RELL1: variants seen among roughly 807,000 people sequenced by gnomAD.
RELL1 encodes RELT like 1.
A neutral mutation model predicts 23.0 loss-of-function variants in RELL1; 10 were observed. The ratio of observed to expected loss-of-function variants is 0.43; its 90% confidence interval spans 0.27 to 0.74. The LOEUF (loss-of-function observed/expected upper bound fraction) is 0.74. Ranked by LOEUF, RELL1 falls within the 30% of genes least tolerant of loss-of-function variation. The pLI is 0.19. For synonymous variants in RELL1, 146 were observed against 146.8 expected, an observed-to-expected ratio of 0.99 and a Z score of 0.04; for missense variants, 315 against 364.4, an observed-to-expected ratio of 0.86 and a Z score of 1.10.
At chr4:37,607,933 G>A (rs1719273296), downstream of RELL1, among the ~76,000 whole-genome samples, 1 of 151,954 alleles carries the variant, frequency 6.6e-6, no homozygotes, top group African/African-American at 2.4e-5. Context: ...ATGTCCCTGT[G>A]TCACATATGG....
chr4:37,660,564 AG>A (rs1185380814), intron 1 of RELL1, among the ~76,000 whole-genome samples: 2 of 152,170 alleles, frequency 1.3e-5, no homozygotes, highest in African/African-American at 4.8e-5. Context: ...TAGTAAGGAG[AG>A]GAAGAATTGC....
At chr4:37,630,893 C>T (rs1187061255) in intron 6 of RELL1, among the ~76,000 whole-genome samples, 1 of 151,648 alleles carries the variant, frequency 6.6e-6, no homozygotes, top group East Asian at 1.9e-4. Flanking sequence ...TCACAGTTTA[C>T]CTAAAAATGG....
rs763849865 is a variant in RELL1 at position 37,638,503 on chromosome 4, C to T, written c.387G>A (p.Ala129=). 1.2e-5 allele frequency: 20 copies of T among 1,607,162 alleles called. No homozygotes were observed. The highest frequency in any genetic ancestry group is 3.3e-4 in the Middle Eastern group (2 of 6,062). The change falls in exon 4 of 7, where the codon GCG becomes GCA. Residue 129 remains alanine, a splice_region_variant and synonymous_variant. Coordinates refer to ENST00000454158, the MANE Select transcript of RELL1 (RefSeq NM_001085400.2). The part of the protein sequence containing the change: ...QIVHYIMKNE[A]NADVLKAMVA... Reference sequence around the variant, plus strand: ...CCATCGCCTTTAAGACATCAGCATTCGCTAAGGAATAAAAATAAAATTAAA... The same window carrying T: ...CCATCGCCTTTAAGACATCAGCATTTGCTAAGGAATAAAAATAAAATTAAA...
At chr4:37,597,975 C>T (rs925202912) in intron 6 of RELL1, among the ~76,000 whole-genome samples, 9 of 151,070 alleles carry the variant, frequency 6.0e-5, no homozygotes, top group Non-Finnish European at 1.3e-4. Context: ...TGCTTGAACC[C>T]AGGAGGCAGA....
At chr4:37,626,871 G>A (rs1719970171) in intron 6 of RELL1, among the ~76,000 whole-genome samples, 1 of 150,706 alleles carries the variant, frequency 6.6e-6, no homozygotes, top group Non-Finnish European at 1.5e-5. Context: ...AAGGTGGTTA[G>A]AGGTAGGGGC....
chr4:37,649,589 G>T, intron 1 of RELL1, 89 bp from the exon 2 acceptor site: 1 of 1,230,540 alleles, frequency 8.1e-7, no homozygotes, highest in South Asian at 1.4e-5. Flanking sequence ...CAGTAAGTCA[G>T]GGTCTGCTCC....
chr4:37,675,690 T>C (rs1286302312), intron 1 of RELL1, among the ~76,000 whole-genome samples: 1 of 152,166 alleles, frequency 6.6e-6, no homozygotes, highest in Non-Finnish European at 1.5e-5. Context: ...ACCTAGGAAA[T>C]GTTTCCTGGA....
Position 37,611,214 on chromosome 4 carries a change from T to C in RELL1, c.*2132A>G, listed in dbSNP as rs1259114350. ...GGCATATTTTTAAAGCAAAAAAGTA[T>C]GCTTATTTGTTTTTAATTAAAATGA... On this transcript the variant is annotated 3_prime_UTR_variant, in exon 7 of 7. Transcript: ENST00000454158. Among the ~76,000 whole-genome samples, 1 of 152,220 alleles carries C rather than the reference T, an allele frequency of 6.6e-6. No individual in the cohort carries two copies. The highest frequency in any genetic ancestry group is 6.5e-5 in the Admixed American group (1 of 15,284).
intron 1 of RELL1, among the ~76,000 whole-genome samples, chr4:37,659,802 T>C (rs1721257501): frequency 6.6e-6 from 1 of 152,030 alleles, no homozygotes; most frequent in South Asian, 2.1e-4. Flanking sequence ...CAAGGCCAAA[T>C]CCAAACAGCT....
At chr4:37,685,438 G>A (rs1722369208) in intron 1 of RELL1, among the ~76,000 whole-genome samples, 1 of 152,094 alleles carries the variant, frequency 6.6e-6, no homozygotes, top group Non-Finnish European at 1.5e-5. Flanking sequence ...ATGTGACATA[G>A]GACTTCCATA....
chr4:37,666,932 A>C (rs1422331753), intron 1 of RELL1, among the ~76,000 whole-genome samples: 1 of 152,206 alleles, frequency 6.6e-6, no homozygotes, highest in Non-Finnish European at 1.5e-5. Context: ...AGAACATAGG[A>C]ACTGGAAAAG....
At chr4:37,618,090 A>G (rs1719633838) in intron 6 of RELL1, among the ~76,000 whole-genome samples, 1 of 152,232 alleles carries the variant, frequency 6.6e-6, no homozygotes, top group Admixed American at 6.5e-5. Flanking sequence ...CGACGCAAGA[A>G]AAACTGAGCC....
chr4:37,637,623 C>A (rs1049567075), intron 4 of RELL1, among the ~76,000 whole-genome samples: 6 of 152,238 alleles, frequency 3.9e-5, no homozygotes, highest in Non-Finnish European at 5.9e-5. Flanking sequence ...CATTCACAGG[C>A]TCTCCACCAT....
At chr4:37,604,854 C>CACACACACACAG (rs1560323821) in intron 6 of RELL1, among the ~76,000 whole-genome samples, 24 of 59,674 alleles carry the variant, frequency 4.0e-4, no homozygotes, top group East Asian at 9.8e-4. Flanking sequence ...CACACACAGA[C>CACACACACACAG]ACACACACAC....
In RELL1 at chr4:37,668,282, A is replaced by C. The variant is rs919077941; in HGVS notation, c.88+17918T>G. Among the ~76,000 whole-genome samples, 204 of 134,542 alleles carry C rather than the reference A, an allele frequency of 1.5e-3. 1 individual carries two copies. The highest frequency in any genetic ancestry group is 5.5e-3 in the African/African-American group (198 of 36,006). The allele number at this position is 134,542 out of a possible 152,430, so 88.3% of individuals were successfully genotyped here. A position where few individuals can be genotyped will look rare whatever the true frequency, so the allele number is the denominator to read the frequency against. The stretch of plus-strand genomic sequence containing the variant: ...TGATACCGAGCCGAAGCTGGACTGT[A>C]CTGCTGCCATGTCGGCTCACTGCAA... On this transcript the variant is annotated intron_variant, in intron 1 of 6. Coordinates refer to ENST00000454158, the MANE Select transcript of RELL1 (RefSeq NM_001085400.2).
At chr4:37,600,321 G>A (rs1367043464) in intron 6 of RELL1, among the ~76,000 whole-genome samples, 1 of 151,604 alleles carries the variant, frequency 6.6e-6, no homozygotes, top group East Asian at 1.9e-4. Flanking sequence ...TCCAGCGAAG[G>A]TCACTGGCCC....
chr4:37,655,946 C>T (rs1253681230), intron 1 of RELL1, among the ~76,000 whole-genome samples: 2 of 152,108 alleles, frequency 1.3e-5, no homozygotes, highest in East Asian at 3.9e-4. Context: ...AGTATTAAGC[C>T]TTCTCGAAAG....
rs769445478 is a variant in RELL1 at position 37,635,119 on chromosome 4, C to T, written c.448G>A (p.Val150Met). 4.9e-5 allele frequency: 79 copies of T among 1,613,306 alleles called. 1 individual carries two copies. Among genetic ancestry groups the T allele is most frequent in the South Asian group, 3.1e-4 (28 of 91,062 alleles). ...DNSLYDPESP[V>M]TPSTPGSPPV... ...GGGCTCCCTGGTGTGCTGGGGGTCA[C>T]GGGGCTAATGTGGGGAGGAAAACAA... The change falls in exon 5 of 7, where the codon GTG becomes ATG. Residue 150 changes from valine to methionine, a missense_variant. Transcript: ENST00000454158.
At chr4:37,654,382 A>G (rs1721051658) in intron 1 of RELL1, among the ~76,000 whole-genome samples, 1 of 152,242 alleles carries the variant, frequency 6.6e-6, no homozygotes, top group African/African-American at 2.4e-5. Context: ...CCTGTTGTGC[A>G]TTATAAAGAA....
Sources: allele counts gnomAD v4.1 joint callset (sites outside exome capture counted in the v4.1 genomes callset), GRCh38; gene constraint gnomAD v4.1.1; transcripts MANE v1.5; gene names NCBI Gene and HGNC (gene_info 2026-07-23, HGNC 2026-07-21).